The following ROR1 variants were observed in gnomAD, a reference collection of about 807,000 sequenced individuals.
ROR1 encodes ROR family WNT receptor 1, also known as inactive tyrosine-protein kinase transmembrane receptor ROR1.
ROR1 carries 19 observed loss-of-function variants against 78.8 expected under a neutral mutation model. That is an observed-to-expected ratio of 0.24 (90% confidence interval 0.17 to 0.35). ROR1 has a LOEUF of 0.35. ROR1 is among the 10% of genes least tolerant of loss of function. The pLI is 1.00. For missense variants in ROR1, 917 were observed against 1,177.8 expected (o/e 0.78, Z 3.24); for synonymous variants, 386 against 433.6 (o/e 0.89, Z 1.36).
intron 4 of ROR1, among the ~76,000 whole-genome samples, chr1:64,089,323 C>T (rs1243160345): frequency 6.6e-6 from 1 of 152,086 alleles, no homozygotes; most frequent in Admixed American, 6.6e-5. Flanking sequence ...GATCCTCCCA[C>T]CTCAGCCTCC....
intron 8 of ROR1, among the ~76,000 whole-genome samples, chr1:64,175,627 A>T (rs886804239): frequency 1.3e-5 from 2 of 152,238 alleles, no homozygotes; most frequent in Non-Finnish European, 1.5e-5. Context: ...AACAAATAAG[A>T]CCAATTTATA....
At chr1:63,995,756 A>G (rs749299013) in intron 1 of ROR1, among the ~76,000 whole-genome samples, 3 of 152,210 alleles carry the variant, frequency 2.0e-5, no homozygotes, top group Non-Finnish European at 4.4e-5. Context: ...TCTTAAAACA[A>G]TGAGCATTTA....
At chr1:63,874,572 GCTGTA>G (rs1450803129) in intron 1 of ROR1, among the ~76,000 whole-genome samples, 1 of 152,104 alleles carries the variant, frequency 6.6e-6, no homozygotes, top group Non-Finnish European at 1.5e-5. Context: ...TGATGAGTGA[GCTGTA>G]CTTCCACTTC....
At chr1:63,869,456 C>A (rs1426751590) in intron 1 of ROR1, among the ~76,000 whole-genome samples, 1 of 152,128 alleles carries the variant, frequency 6.6e-6, no homozygotes, top group Non-Finnish European at 1.5e-5. Context: ...TGCTGTGCAC[C>A]TTACTATTTT....
intron 1 of ROR1, among the ~76,000 whole-genome samples, chr1:63,878,814 A>G (rs778094518): frequency 2.0e-5 from 3 of 152,112 alleles, no homozygotes; most frequent in Non-Finnish European, 2.9e-5. Flanking sequence ...ATAGTTATGT[A>G]CTTATTTCTT....
intron 1 of ROR1, among the ~76,000 whole-genome samples, chr1:63,861,663 G>A (rs1206103419): frequency 6.6e-6 from 1 of 152,196 alleles, no homozygotes; most frequent in African/African-American, 2.4e-5. Context: ...ATTTGCAGAG[G>A]GGCATATGAT....
At chr1:64,165,972 C>T (rs145643339) in intron 8 of ROR1, among the ~76,000 whole-genome samples, 61 of 152,246 alleles carry the variant, frequency 4.0e-4, no homozygotes, top group East Asian at 3.1e-3. Flanking sequence ...TCCCAAAGTG[C>T]TGGGATTACA....
chr1:64,090,816 T>C (rs1353654712), intron 4 of ROR1, among the ~76,000 whole-genome samples: 1 of 152,146 alleles, frequency 6.6e-6, no homozygotes, highest in Non-Finnish European at 1.5e-5. Context: ...AAAGTTGCCC[T>C]TTTTTCCCTG....
At chr1:63,892,707 A>G (rs1432730425) in intron 1 of ROR1, among the ~76,000 whole-genome samples, 1 of 152,142 alleles carries the variant, frequency 6.6e-6, no homozygotes, top group African/African-American at 2.4e-5. Flanking sequence ...CTCTGCCACC[A>G]CTAATGAGCC....
chr1:64,165,486 T>A (rs891097998), intron 8 of ROR1, among the ~76,000 whole-genome samples: 1 of 152,152 alleles, frequency 6.6e-6, no homozygotes, highest in African/African-American at 2.4e-5. Context: ...ATGCATAGTT[T>A]GCAAAATTTT....
intron 1 of ROR1, chr1:63,843,052 G>C: frequency 6.2e-6 from 3 of 480,500 alleles, no homozygotes; most frequent in Non-Finnish European, 1.1e-5. Context: ...GGATCTGTTT[G>C]GCAACTGGAG....
intron 4 of ROR1, among the ~76,000 whole-genome samples, chr1:64,135,286 G>C (rs1649065225): frequency 6.6e-6 from 1 of 152,292 alleles, no homozygotes; most frequent in African/African-American, 2.4e-5. Context: ...GAACTGGAAA[G>C]GTGGTAAGAA....
intron 1 of ROR1, among the ~76,000 whole-genome samples, chr1:63,825,393 A>G (rs190582080): frequency 1.4e-3 from 211 of 152,352 alleles, no homozygotes; most frequent in African/African-American, 4.6e-3. Context: ...TAAACCTCAA[A>G]AACATTATGC....
chr1:64,031,056 C>T (rs1646655883), intron 2 of ROR1, among the ~76,000 whole-genome samples: 1 of 152,118 alleles, frequency 6.6e-6, no homozygotes. Context: ...TTTGTAGAGA[C>T]AGAGTTTTGC....
At chr1:64,022,909 G>T (rs1423372290) in intron 2 of ROR1, among the ~76,000 whole-genome samples, 1 of 151,990 alleles carries the variant, frequency 6.6e-6, no homozygotes, top group Non-Finnish European at 1.5e-5. Flanking sequence ...TTGTTTGTGG[G>T]GGTTTTGTTT....
rs141089174 is a variant in ROR1 at position 63,847,238 on chromosome 1, C to T, written c.91+72730C>T. On this transcript the variant is annotated intron_variant, in intron 1 of 8. Coordinates refer to ENST00000371079, the MANE Select transcript of ROR1 (RefSeq NM_005012.4). ...GAGGGTTTTAACTTTGTAGTAAAGA[C>T]GGGACTTGGAGGAATTCTCCCTGTG... 7.2e-4 allele frequency among the ~76,000 whole-genome samples: 110 copies of T among 152,240 alleles called. 2 individuals carry two copies. The East Asian group carries it at 9.3e-3, about 13-fold the overall frequency.
At chr1:64,084,454 T>G (rs1647133716) in intron 4 of ROR1, among the ~76,000 whole-genome samples, 1 of 152,244 alleles carries the variant, frequency 6.6e-6, no homozygotes, top group Non-Finnish European at 1.5e-5. Context: ...CCATTGAAAT[T>G]ATTGTTTCAT....
At chr1:64,035,181 T>A (rs1167630034) in intron 2 of ROR1, among the ~76,000 whole-genome samples, 2 of 152,220 alleles carry the variant, frequency 1.3e-5, no homozygotes, top group Non-Finnish European at 2.9e-5. Context: ...GTTTGTGAGA[T>A]CATCCTAAAG....
intron 1 of ROR1, among the ~76,000 whole-genome samples, chr1:63,970,088 A>C (rs1428414529): frequency 6.6e-6 from 1 of 151,134 alleles, no homozygotes; most frequent in Non-Finnish European, 1.5e-5. Flanking sequence ...TTCCTCCCCC[A>C]CTCCTTCCCT....
Sources: allele counts gnomAD v4.1 joint callset (sites outside exome capture counted in the v4.1 genomes callset), GRCh38; gene constraint gnomAD v4.1.1; transcripts MANE v1.5; gene names NCBI Gene and HGNC (gene_info 2026-07-23, HGNC 2026-07-21).